The following XKR4 variants were observed in gnomAD, a reference collection of about 807,000 sequenced individuals.
XKR4 encodes XK-related protein 4.
Under a neutral mutation model 53.9 loss-of-function variants are expected in XKR4, and 12 were observed. The ratio of observed to expected loss-of-function variants is 0.22; its 90% CI spans 0.14 to 0.36. The LOEUF (loss-of-function observed/expected upper bound fraction) is 0.36. Ranked by LOEUF, XKR4 falls within the 10% of genes least tolerant of loss-of-function variation. XKR4 has a pLI of 1.00. For missense variants in XKR4, 799 were observed against 859.5 expected (o/e 0.93, Z 0.88); for synonymous variants, 354 against 362.4 (o/e 0.98, Z 0.26).
chr8:55,164,295 G>A (rs1311796536), intron 1 of XKR4: 2 of 455,668 alleles, frequency 4.4e-6, no homozygotes, highest in Non-Finnish European at 8.8e-6. Flanking sequence ...TTCTCCTAGT[G>A]GGCAGGATGC....
chr8:55,149,631 C>T (rs886440203), intron 1 of XKR4, among the ~76,000 whole-genome samples: 5 of 152,152 alleles, frequency 3.3e-5, no homozygotes, highest in African/African-American at 1.2e-4. Flanking sequence ...ATGGGAAGAG[C>T]GTTTCAGAAG....
intron 1 of XKR4, among the ~76,000 whole-genome samples, chr8:55,171,515 C>T (rs1007824960): frequency 2.6e-5 from 4 of 152,198 alleles, no homozygotes; most frequent in Non-Finnish European, 1.5e-5. Context: ...GCTTAGGTCT[C>T]CCTGGCCTTT....
chr8:55,393,807 C>T (rs112206553), intron 2 of XKR4, among the ~76,000 whole-genome samples: 2,487 of 152,260 alleles, frequency 0.016, 30 homozygotes, highest in Middle Eastern at 0.037. Context: ...CATCTTAAAG[C>T]ACTACCCATA....
intron 2 of XKR4, among the ~76,000 whole-genome samples, chr8:55,426,367 A>T (rs183415856): frequency 1.3e-5 from 2 of 151,966 alleles, no homozygotes; most frequent in East Asian, 3.9e-4. Flanking sequence ...TGGCATGCTC[A>T]CTTGCGCTCT....
rs1339420409 is a variant in XKR4 at position 55,528,708 on chromosome 8, T to C, written c.*4481T>C. 6.6e-6 allele frequency: 1 copy of C among 152,184 alleles called. No homozygotes were observed. The highest frequency in any genetic ancestry group is 1.5e-5 in the Non-Finnish European group (1 of 68,042). The allele number at this position is 152,184 out of a possible 1,614,324, so 9.4% of individuals were successfully genotyped here. Reference sequence around the variant, plus strand: ...ACAGGAGGACTGGGGTGGTCATTCCTATAATTTCAGTGACAGATGCAGATC... The same window carrying C: ...ACAGGAGGACTGGGGTGGTCATTCCCATAATTTCAGTGACAGATGCAGATC... On this transcript the variant is annotated 3_prime_UTR_variant, in exon 3 of 3. Coordinates refer to ENST00000327381, the MANE Select transcript of XKR4 (RefSeq NM_052898.2).
At chr8:55,281,323 A>G (rs1472999087) in intron 1 of XKR4, among the ~76,000 whole-genome samples, 1 of 150,970 alleles carries the variant, frequency 6.6e-6, no homozygotes, top group Non-Finnish European at 1.5e-5. Context: ...TAGTTCATCA[A>G]ATAGTCACAC....
At chr8:55,197,889 G>C (rs2129361807) in intron 1 of XKR4, among the ~76,000 whole-genome samples, 1 of 152,254 alleles carries the variant, frequency 6.6e-6, no homozygotes, top group Middle Eastern at 3.4e-3. Context: ...TAAAATTCCT[G>C]ATTAAAATTA....
Position 55,479,045 on chromosome 8 carries a change from C to T in XKR4, c.1007-44236C>T, listed in dbSNP as rs537849717. Among the ~76,000 whole-genome samples, 1,498 of 152,140 alleles carry T rather than the reference C, an allele frequency of 9.8e-3. 36 individuals are homozygous for T. Among genetic ancestry groups the T allele is most frequent in the African/African-American group, 0.034 (1,395 of 41,472 alleles). ...GAATTGAACTCAGCTCTGCACCACG[C>T]GGACCTAATAGACATCTACAGAACT... On this transcript the variant is annotated intron_variant, in intron 2 of 2. Transcript: ENST00000327381.
intron 1 of XKR4, among the ~76,000 whole-genome samples, chr8:55,275,569 A>G (rs1398433984): frequency 6.6e-6 from 1 of 152,218 alleles, no homozygotes; most frequent in East Asian, 1.9e-4. Context: ...ACCTTTCTTC[A>G]TAACTGGATC....
chr8:55,230,361 C>A (rs1424384988), intron 1 of XKR4, among the ~76,000 whole-genome samples: 2 of 73,168 alleles, frequency 2.7e-5, no homozygotes, highest in Non-Finnish European at 6.6e-5. Context: ...TAGAAAGAGA[C>A]ACTTTTTTTT....
intron 2 of XKR4, among the ~76,000 whole-genome samples, chr8:55,430,541 G>A (rs1805086631): frequency 6.6e-6 from 1 of 152,186 alleles, no homozygotes; most frequent in South Asian, 2.1e-4. Flanking sequence ...GAGGTGTTGT[G>A]GCTGAAAACG....
At chr8:55,273,478 A>T (rs1818722448) in intron 1 of XKR4, among the ~76,000 whole-genome samples, 1 of 152,162 alleles carries the variant, frequency 6.6e-6, no homozygotes, top group Admixed American at 6.5e-5. Context: ...TAGCCACAAG[A>T]TTAGAAATTA....
intron 1 of XKR4, among the ~76,000 whole-genome samples, chr8:55,180,368 C>T (rs1817291213): frequency 6.6e-6 from 1 of 152,260 alleles, no homozygotes; most frequent in African/African-American, 2.4e-5. Context: ...ATGTTGATAG[C>T]TCTAATGAAT....
At chr8:55,259,818 A>G (rs1374300968) in intron 1 of XKR4, among the ~76,000 whole-genome samples, 1 of 152,146 alleles carries the variant, frequency 6.6e-6, no homozygotes, top group Non-Finnish European at 1.5e-5. Flanking sequence ...TTCTAATTAA[A>G]CTTAATGAAT....
chr8:55,209,012 G>A (rs1167458790), intron 1 of XKR4, among the ~76,000 whole-genome samples: 2 of 152,090 alleles, frequency 1.3e-5, no homozygotes, highest in Non-Finnish European at 2.9e-5. Context: ...GGTTTTCTTG[G>A]TCTTTTTTTC....
intron 1 of XKR4, among the ~76,000 whole-genome samples, chr8:55,326,021 A>G (rs766550198): frequency 5.9e-5 from 9 of 152,258 alleles, no homozygotes; most frequent in East Asian, 5.8e-4. Flanking sequence ...GATTAAGCCA[A>G]TTGTTTAGCC....
intron 1 of XKR4, among the ~76,000 whole-genome samples, chr8:55,272,056 G>T (rs113104946): frequency 5.9e-5 from 9 of 152,332 alleles, no homozygotes; most frequent in African/African-American, 2.2e-4. Context: ...TATACATAAA[G>T]GTGGTGGTGG....
At chr8:55,254,159 CT>C (rs1324406067) in intron 1 of XKR4, among the ~76,000 whole-genome samples, 1 of 151,916 alleles carries the variant, frequency 6.6e-6, no homozygotes, top group Non-Finnish European at 1.5e-5. Flanking sequence ...AGCCTTTCTT[CT>C]TATGTTGTGT....
rs188340843 is a variant in XKR4, at chr8:55,452,587, C to T, written c.1007-70694C>T. On this transcript the variant is annotated intron_variant, in intron 2 of 2. Coordinates refer to ENST00000327381, the MANE Select transcript of XKR4 (RefSeq NM_052898.2). Reference sequence around the variant, plus strand: ...AGCCTCCGGTTCTCCCGCTGCACCGCCTCCAGGGTCTTAATGTTTATCTGG... The same window carrying T: ...AGCCTCCGGTTCTCCCGCTGCACCGTCTCCAGGGTCTTAATGTTTATCTGG... 4.9e-5 allele frequency: 45 copies of T among 926,270 alleles called. No individual in the cohort carries two copies. The African/African-American group carries it at 5.6e-4, about 12-fold the overall frequency. The allele number at this position is 926,270 out of a possible 1,614,324, so 57.4% of individuals were successfully genotyped here. A position where few individuals can be genotyped will look rare whatever the true frequency, so the allele number is the denominator to read the frequency against.
Sources: gnomAD v4.1 joint callset for allele counts (sites outside exome capture counted in the v4.1 genomes callset) on GRCh38, gnomAD v4.1.1 for gene constraint, MANE v1.5 for transcripts, NCBI Gene and HGNC (gene_info 2026-07-23, HGNC 2026-07-21) for gene names.